Variants in C8orf34 observed in about 807,000 individuals in gnomAD.
The protein encoded by C8orf34 is uncharacterized protein C8orf34.
A neutral mutation model predicts 68.3 loss-of-function variants in C8orf34; 65 were observed. The ratio of observed to expected loss-of-function variants is 0.95; its 90% CI spans 0.78 to 1.17. The LOEUF is 1.17. Among genes scored for constraint, C8orf34 ranks in the 50% most tolerant of loss-of-function variants. C8orf34 has a pLI of 0.00. For synonymous variants in C8orf34, 244 were observed against 241.2 expected (o/e 1.01, Z -0.11); for missense variants, 664 against 655.4 (o/e 1.01, Z -0.14).
chr8:68,665,961 A>G (rs1373786980), intron 8 of C8orf34, among the ~76,000 whole-genome samples: 1 of 152,220 alleles, frequency 6.6e-6, no homozygotes, highest in Non-Finnish European at 1.5e-5. Flanking sequence ...TAATTACCAA[A>G]TCATTGAACA....
chr8:68,341,045 T>C (rs1351964873), intron 1 of C8orf34, among the ~76,000 whole-genome samples: 1 of 152,242 alleles, frequency 6.6e-6, no homozygotes, highest in East Asian at 1.9e-4. Context: ...TTCCAGCTGC[T>C]ATAATGAAAA....
chr8:68,567,353 G>C (rs780279071), intron 7 of C8orf34, among the ~76,000 whole-genome samples: 2 of 151,924 alleles, frequency 1.3e-5, no homozygotes, highest in Non-Finnish European at 2.9e-5. Context: ...AGCTAGGAAG[G>C]TTGTACCTTT....
At chr8:68,422,306 T>C in intron 1 of C8orf34, among the ~76,000 whole-genome samples, 1 of 152,206 alleles carries the variant, frequency 6.6e-6, no homozygotes, top group Admixed American at 6.5e-5. Context: ...ACTTCCTTGA[T>C]GCAATGGAGA....
intron 10 of C8orf34, among the ~76,000 whole-genome samples, chr8:68,759,663 AAAGTTATCCT>A (rs1822970807): frequency 6.6e-6 from 1 of 152,240 alleles, no homozygotes; most frequent in African/African-American, 2.4e-5. Context: ...AAATGTAAAG[AAAGTTATCCT>A]TGATTTTTCT....
intron 12 of C8orf34, among the ~76,000 whole-genome samples, chr8:68,813,791 T>C (rs1038794670): frequency 2.0e-5 from 3 of 152,180 alleles, no homozygotes; most frequent in South Asian, 4.1e-4. Context: ...TGTGAGATGC[T>C]TCCATCGGGC....
At chr8:68,780,793 A>T (rs1057466430) in intron 11 of C8orf34, among the ~76,000 whole-genome samples, 38 of 152,164 alleles carry the variant, frequency 2.5e-4, no homozygotes, top group African/African-American at 8.4e-4. Flanking sequence ...CCACATGGAT[A>T]GTATGAACCA....
intron 1 of C8orf34, among the ~76,000 whole-genome samples, chr8:68,372,059 A>G (rs1807586467): frequency 6.6e-6 from 1 of 152,204 alleles, no homozygotes; most frequent in Admixed American, 6.5e-5. Context: ...CATAATTGTT[A>G]GTATTATAAT....
chr8:68,702,890 T>C (rs1364553750), intron 8 of C8orf34, among the ~76,000 whole-genome samples: 2 of 152,158 alleles, frequency 1.3e-5, no homozygotes. Flanking sequence ...CTGTTGTGAG[T>C]GTATCTTTAC....
At chr8:68,693,402 A>T (rs184089314) in intron 8 of C8orf34, among the ~76,000 whole-genome samples, 2 of 152,244 alleles carry the variant, frequency 1.3e-5, no homozygotes, top group Admixed American at 1.3e-4. Flanking sequence ...CTTACTAGGT[A>T]TATAACTTGG....
chr8:68,477,802 A>G (rs1812686058), intron 4 of C8orf34, among the ~76,000 whole-genome samples: 1 of 152,182 alleles, frequency 6.6e-6, no homozygotes, highest in African/African-American at 2.4e-5. Context: ...CCACAGGCCC[A>G]ACACCACATG....
intron 1 of C8orf34, among the ~76,000 whole-genome samples, chr8:68,406,279 T>A (rs142260278): frequency 3.4e-4 from 51 of 152,224 alleles, no homozygotes; most frequent in African/African-American, 1.2e-3. Flanking sequence ...TTTGGAATTA[T>A]CAAGAGTTGA....
chr8:68,627,562 A>C (rs976319932), intron 7 of C8orf34, among the ~76,000 whole-genome samples: 4 of 152,216 alleles, frequency 2.6e-5, no homozygotes, highest in Non-Finnish European at 5.9e-5. Flanking sequence ...AAGTGTATGC[A>C]ATATAATCTT....
intron 8 of C8orf34, among the ~76,000 whole-genome samples, chr8:68,699,680 G>C (rs939310720): frequency 6.6e-6 from 1 of 152,076 alleles, no homozygotes; most frequent in Non-Finnish European, 1.5e-5. Flanking sequence ...TAAAGCAGAA[G>C]AGACCAAACA....
Position 68,590,848 on chromosome 8 carries a change from G to A in C8orf34, c.1106-49528G>A, listed in dbSNP as rs965043175. 6.6e-5 allele frequency among the ~76,000 whole-genome samples: 10 copies of A among 152,142 alleles called. No individual in the cohort carries two copies. In the East Asian group the frequency reaches 1.7e-3, roughly 26 times the overall value. ...GCTTCCCCTGGCCAGCGATATCAGG[G>A]ATGGGCCTTGGACCAGCTGAGACCA... On this transcript the variant is annotated intron_variant, in intron 7 of 13. Coordinates refer to ENST00000518698, the MANE Select transcript of C8orf34 (RefSeq NM_052958.4).
chr8:68,543,713 T>C (rs1162985490), intron 7 of C8orf34, among the ~76,000 whole-genome samples: 1 of 152,182 alleles, frequency 6.6e-6, no homozygotes, highest in Non-Finnish European at 1.5e-5. Context: ...CATATTAATA[T>C]TTTATATTTA....
chr8:68,411,093 T>C (rs1385643673), intron 1 of C8orf34, among the ~76,000 whole-genome samples: 1 of 152,342 alleles, frequency 6.6e-6, no homozygotes, highest in Admixed American at 6.5e-5. Flanking sequence ...TCCCATGCTA[T>C]TGTGTTTTCA....
intron 5 of C8orf34, among the ~76,000 whole-genome samples, chr8:68,490,248 C>G (rs901363513): frequency 3.3e-5 from 5 of 152,184 alleles, no homozygotes; most frequent in East Asian, 1.9e-4. Context: ...CTAATACATT[C>G]TGCAAAACCC....
At chr8:68,496,693 T>C (rs543792362) in intron 5 of C8orf34, among the ~76,000 whole-genome samples, 2 of 152,334 alleles carry the variant, frequency 1.3e-5, no homozygotes, top group East Asian at 3.9e-4. Flanking sequence ...GTTTTGCTAT[T>C]CACTTTCTAT....
At chr8:68,330,950 T>TC, upstream of C8orf34, 2 of 1,250,462 alleles carry the variant, frequency 1.6e-6, no homozygotes, top group Non-Finnish European at 2.1e-6. Context: ...GCCTCGAATT[T>TC]CCCCACTGCG....
Sources: gnomAD v4.1 joint callset for allele counts (sites outside exome capture counted in the v4.1 genomes callset) on GRCh38, gnomAD v4.1.1 for gene constraint, MANE v1.5 for transcripts, NCBI Gene and HGNC (gene_info 2026-07-23, HGNC 2026-07-21) for gene names.